Variants in CFAP57 observed in about 807,000 individuals in gnomAD.
CFAP57 encodes the protein cilia and flagella associated protein 57.
CFAP57 carries 116 observed loss-of-function variants against 146.8 expected under a neutral mutation model. That is an observed-to-expected ratio of 0.79 (90% CI 0.68 to 0.92). CFAP57 has a LOEUF of 0.92. CFAP57 is among the 40% of genes least tolerant of loss of function. CFAP57 has a pLI of 0.00. For synonymous variants in CFAP57, 518 were observed against 552.8 expected (o/e 0.94, Z 0.88); for missense variants, 1,377 against 1,527.2 (o/e 0.90, Z 1.64).
intron 22 of CFAP57, among the ~76,000 whole-genome samples, chr1:43,253,339 A>G (rs916077894): frequency 6.6e-6 from 1 of 152,212 alleles, no homozygotes; most frequent in Non-Finnish European, 1.5e-5. Context: ...CTAGAGTGAA[A>G]GACCTAAAGC....
chr1:43,242,888 A>G (rs574858580), intron 21 of CFAP57, among the ~76,000 whole-genome samples: 2 of 152,142 alleles, frequency 1.3e-5, no homozygotes, highest in East Asian at 1.9e-4. Context: ...TAGCCATATA[A>G]TAGCCAATAA....
At chr1:43,226,826 G>A (rs879446097) in intron 17 of CFAP57, among the ~76,000 whole-genome samples, 157 bp from the exon 18 acceptor site, 1 of 152,176 alleles carries the variant, frequency 6.6e-6, no homozygotes, top group Non-Finnish European at 1.5e-5. Context: ...CCCCATGGGG[G>A]GAGTGCCAGC....
intron 2 of CFAP57, chr1:43,177,114 T>C (rs1645202848): frequency 2.2e-6 from 1 of 456,064 alleles, no homozygotes; most frequent in South Asian, 1.5e-5. Context: ...GATCTGTGTT[T>C]CCTCAGGTTC....
chr1:43,203,103 A>T (rs2124454470), intron 9 of CFAP57, among the ~76,000 whole-genome samples: 1 of 150,116 alleles, frequency 6.7e-6, no homozygotes, highest in Non-Finnish European at 1.5e-5. Context: ...AACCTGGGGG[A>T]TGGAGGTTGC....
At chr1:43,204,810 T>A (rs1644288420) in intron 9 of CFAP57, among the ~76,000 whole-genome samples, 1 of 152,224 alleles carries the variant, frequency 6.6e-6, no homozygotes, top group South Asian at 2.1e-4. Flanking sequence ...ACTGGTAGTT[T>A]GGATGACCCC....
rs758540161 is a variant in CFAP57, at chr1:43,243,363, A to G, written c.3538+4A>G. 3.3e-6 allele frequency: 5 copies of G among 1,531,702 alleles called. No individual in the cohort carries two copies. The highest frequency in any genetic ancestry group is 3.5e-6 in the Non-Finnish European group (4 of 1,135,290). The allele number at this position is 1,531,702 out of a possible 1,614,324, so 94.9% of individuals were successfully genotyped here. On this transcript the variant is annotated splice_donor_region_variant and intron_variant, in intron 22 of 22. Coordinates refer to ENST00000372492, the MANE Select transcript of CFAP57 (RefSeq NM_001378189.1). ...CCACAAGAAGTTTCAGAGACAGGTA[A>G]TATCACCAGTGGCCAGGGGAGATGG...
chr1:43,209,709 C>A, intron 10 of CFAP57, 34 bp from the exon 11 acceptor site: 1 of 1,601,328 alleles, frequency 6.2e-7, no homozygotes, highest in Non-Finnish European at 8.5e-7. Flanking sequence ...CACAGCTCGA[C>A]CCCTCACACT....
intron 11 of CFAP57, among the ~76,000 whole-genome samples, chr1:43,212,236 T>C (rs943798916): frequency 1.3e-5 from 2 of 152,174 alleles, no homozygotes; most frequent in African/African-American, 4.8e-5. Context: ...AATCACACTA[T>C]AGAACCGTTC....
In CFAP57 at chr1:43,172,874, T is replaced by TAC. The variant is rs1188832203; in HGVS notation, c.123_124dup (p.Asn42ThrfsTer103). ...TCCTTCAGGAAATCACTGTGTGAAG[T>TAC]ACAATGTGGATCAGAAATGGCAAAA... On this transcript the variant is annotated frameshift_variant, in exon 2 of 23. Transcript: ENST00000372492. LOFTEE classifies it high-confidence loss of function. 18 of 1,614,150 alleles carry TAC rather than the reference T, an allele frequency of 1.1e-5. No individual in the cohort carries two copies. Among genetic ancestry groups the TAC allele is most frequent in the Non-Finnish European group, 1.5e-5 (18 of 1,179,994 alleles).
intron 6 of CFAP57, 84 bp from the exon 7 acceptor site, chr1:43,197,469 T>C: frequency 1.3e-6 from 2 of 1,576,084 alleles, no homozygotes; most frequent in South Asian, 2.2e-5. Context: ...GGCTAATTAA[T>C]GTTCATGGGA....
chr1:43,181,787 G>C lies in CFAP57; in HGVS notation c.411G>C (p.Leu137=). ...SPPESNLVYW[L]WEKQKVMAIV... ...CAGAGTCAAATCTTGTCTACTGGCT[G>C]TGGGAAAAACAGAAAGTAATGGCCA... Residue 137 remains leucine (L), a synonymous_variant, in exon 3 of 23, where the codon CTG becomes CTC. Transcript: ENST00000372492. The C allele has an allele frequency of 6.2e-7, 1 of 1,614,192 alleles. No homozygotes were observed. The highest frequency in any genetic ancestry group is 1.3e-5 in the African/African-American group (1 of 75,040).
At chr1:43,223,117 G>A (rs548190118) in intron 16 of CFAP57, 120 bp downstream of exon 16, 8 of 1,140,476 alleles carry the variant, frequency 7.0e-6, no homozygotes, top group Admixed American at 5.8e-5. Flanking sequence ...CATCTTCAGC[G>A]AGCAGGCTGG....
At position 43,199,373 on chromosome 1, in the gene CFAP57, G is replaced by T; in HGVS notation, c.1429-17G>T. 1 of 1,611,948 alleles carries T rather than the reference G, an allele frequency of 6.2e-7. No homozygotes were observed. Among genetic ancestry groups the T allele is most frequent in the Non-Finnish European group, 8.5e-7 (1 of 1,178,096 alleles). On this transcript the variant is annotated splice_polypyrimidine_tract_variant and intron_variant, in intron 8 of 22. Transcript: ENST00000372492. ...TCACTTCCTGCTTGCTTGCTCTCTTGCTGTCTTTCCCTATAGTGTTCCTTT... is the reference window on the plus strand; with the variant it reads ...TCACTTCCTGCTTGCTTGCTCTCTTTCTGTCTTTCCCTATAGTGTTCCTTT...
At chr1:43,214,731 A>G (rs957473547) in intron 11 of CFAP57, among the ~76,000 whole-genome samples, 2 of 152,112 alleles carry the variant, frequency 1.3e-5, no homozygotes, top group African/African-American at 2.4e-5. Flanking sequence ...ACCATTTTAC[A>G]TTCTTACCAA....
intron 17 of CFAP57, 148 bp from the exon 18 acceptor site, chr1:43,226,835 G>C (rs143693731): frequency 0.01 from 8,454 of 833,048 alleles, 54 homozygotes; most frequent in South Asian, 0.017. Flanking sequence ...GGGAGTGCCA[G>C]CCTCTGTACT....
At chr1:43,234,702 A>C (rs1188652312) in intron 21 of CFAP57, 64 bp downstream of exon 21, 2 of 1,500,466 alleles carry the variant, frequency 1.3e-6, no homozygotes, top group African/African-American at 2.8e-5. Context: ...GATCCCATCA[A>C]GGGTCCCTCT....
chr1:43,174,666 A>C (rs1645102651), intron 2 of CFAP57, among the ~76,000 whole-genome samples: 1 of 152,066 alleles, frequency 6.6e-6, no homozygotes. Context: ...AAATACAAAA[A>C]TCAGCTGGGC....
intron 21 of CFAP57, among the ~76,000 whole-genome samples, chr1:43,239,949 A>T (rs1323188276): frequency 1.3e-5 from 2 of 152,232 alleles, no homozygotes; most frequent in African/African-American, 2.4e-5. Flanking sequence ...TTTCACAAAT[A>T]TTTAATGAGC....
rs1461216713 is a variant in CFAP57 at position 43,185,252 on chromosome 1, G to T, written c.865G>T (p.Ala289Ser). The change falls in exon 5 of 23, where the codon GCA becomes TCA. Residue 289 changes from alanine to serine, a missense_variant. Ala to Ser is a moderately conservative substitution (Grantham distance 99). Coordinates refer to ENST00000372492, the MANE Select transcript of CFAP57 (RefSeq NM_001378189.1). ...QMSMPQVFAI[A>S]AYSKGFACSA... ...GTCCATGCCCCAGGTGTTTGCCATT[G>T]CAGCCTATTCAAAGGGATTTGCCTG... The T allele has an allele frequency of 2.5e-6, 4 of 1,614,184 alleles. No individual in the cohort carries two copies. Among genetic ancestry groups the T allele is most frequent in the Non-Finnish European group, 3.4e-6 (4 of 1,180,030 alleles).
Sources: allele counts gnomAD v4.1 joint callset (sites outside exome capture counted in the v4.1 genomes callset), GRCh38; gene constraint gnomAD v4.1.1; transcripts MANE v1.5; gene names NCBI Gene and HGNC (gene_info 2026-07-23, HGNC 2026-07-21).